Variants in TKT observed in about 807,000 individuals in gnomAD.
TKT encodes the protein transketolase.
TKT carries 47 observed loss-of-function variants against 63.9 expected under a neutral mutation model. The observed-to-expected ratio is 0.74, with a 90% CI of 0.58 to 0.94. The LOEUF (loss-of-function observed/expected upper bound fraction) is 0.94, where lower values mean the gene tolerates loss of function less well. Among genes scored for constraint, TKT ranks in the 40% least tolerant of loss-of-function variants. The pLI is 0.00. For missense variants in TKT, 721 were observed against 846.2 expected (o/e 0.85, Z 1.84); for synonymous variants, 338 against 334.1 (o/e 1.01, Z -0.13).
Position 53,229,417 on chromosome 3 carries a change from C to T in TKT, c.1127G>A (p.Cys376Tyr), listed in dbSNP as rs1223637232. 4 of 1,608,456 alleles carry T rather than the reference C, an allele frequency of 2.5e-6. No individual in the cohort carries two copies. The highest frequency in any genetic ancestry group is 1.1e-5 in the South Asian group (1 of 90,314). ...GGGCACCGTCCTGTTGCGGGTGGCA[C>T]AGCCCACCGCGATGCTCACCTGGGG... Reference protein sequence around the residue: ...EQNMVSIAVGCATRNRTVPFC... With the variant: ...EQNMVSIAVGYATRNRTVPFC... Residue 376 changes from cysteine (C) to tyrosine (Y), a missense_variant, in exon 9 of 14, where the codon TGT becomes TAT. By Grantham distance (194) the Cys-to-Tyr change is radical. Transcript: ENST00000462138.
chr3:53,225,728 G>T lies in TKT; in HGVS notation c.*28C>A. ...TTTCCCAGAATCTCAGGAATGTATAGACCCCCGCCCCACACTTCATACCCG... is the reference window on the plus strand; with the variant it reads ...TTTCCCAGAATCTCAGGAATGTATATACCCCCGCCCCACACTTCATACCCG... On this transcript the variant is annotated 3_prime_UTR_variant, in exon 14 of 14. Transcript: ENST00000462138. 9 of 1,574,482 alleles carry T rather than the reference G, an allele frequency of 5.7e-6. No individual in the cohort carries two copies. The highest frequency in any genetic ancestry group is 7.8e-6 in the Non-Finnish European group (9 of 1,155,056).
chr3:53,226,628 T>A, intron 13 of TKT, 128 bp downstream of exon 13: 1 of 1,383,864 alleles, frequency 7.2e-7, no homozygotes, highest in Non-Finnish European at 1.0e-6. Context: ...TCCCAGCTGC[T>A]CTGAGGGACA....
In TKT at chr3:53,241,249, C is replaced by A; in HGVS notation, c.226-4G>T. 2 of 1,597,194 alleles carry A rather than the reference C, an allele frequency of 1.3e-6. No individual in the cohort carries two copies. Among genetic ancestry groups the A allele is most frequent in the Non-Finnish European group, 1.7e-6 (2 of 1,174,334 alleles). On this transcript the variant is annotated splice_region_variant and splice_polypyrimidine_tract_variant and intron_variant, in intron 2 of 13. Coordinates refer to ENST00000462138, the MANE Select transcript of TKT (RefSeq NM_001064.4). ...AGAGGATGGGAGCTGCATGGCCCTG[C>A]CGGGAGATGGATGGTGGGGTGAGGT...
At chr3:53,252,402 T>G (rs1415472358) in intron 1 of TKT, among the ~76,000 whole-genome samples, 1 of 152,246 alleles carries the variant, frequency 6.6e-6, no homozygotes, top group Non-Finnish European at 1.5e-5. Context: ...GGCTCACAAC[T>G]TTCAAAATAT....
intron 4 of TKT, among the ~76,000 whole-genome samples, chr3:53,239,762 T>C (rs1027714151): frequency 3.5e-4 from 54 of 152,314 alleles, no homozygotes; most frequent in South Asian, 1.2e-3. Flanking sequence ...TCCCTGCTGA[T>C]AGGAGGTGGC....
rs371557559 is a variant in TKT at position 53,241,155 on chromosome 3, C to T, written c.316G>A (p.Asp106Asn). 35 of 1,576,810 alleles carry T rather than the reference C, an allele frequency of 2.2e-5. 1 individual carries two copies. The South Asian group carries it at 2.9e-4, about 13-fold the overall frequency. The change falls in exon 3 of 14, where the codon GAC becomes AAC. Residue 106 changes from aspartate (D) to asparagine (N), a missense_variant. Coordinates refer to ENST00000462138, the MANE Select transcript of TKT (RefSeq NM_001064.4). ...ELLNLRKISS[D>N]LDGHPVPKQA... ...ACCGGGACCGGGTGCCCGTCCAAGT[C>T]GGAGCTGATCTTCCTCAGGTTCAGC... is the stretch of plus-strand genomic sequence containing the variant.
rs1309363280 is a variant in TKT, at chr3:53,227,997, C to T, written c.1573+59G>A. 3 of 1,465,436 alleles carry T rather than the reference C, an allele frequency of 2.0e-6. No individual in the cohort carries two copies. The East Asian group carries it at 6.8e-5, about 33-fold the overall frequency. 90.8% of individuals were successfully genotyped at this position (1,465,436 alleles called of 1,614,324 possible). On this transcript the variant is annotated intron_variant, in intron 12 of 13. Transcript: ENST00000462138. The stretch of plus-strand genomic sequence containing the variant: ...AACAGAAAGAACGAAAGAAAGAACC[C>T]CAAGACCTAGCATGCAGTGGCCGCT...
chr3:53,229,248 G>A (rs1242119650), intron 9 of TKT, 32 bp downstream of exon 9: 4 of 1,613,376 alleles, frequency 2.5e-6, no homozygotes, highest in Non-Finnish European at 3.4e-6. Context: ...AGTCAAGGGA[G>A]CTCCAGGTGT....
At chr3:53,249,957 G>C (rs1295423534) in intron 1 of TKT, among the ~76,000 whole-genome samples, 1 of 152,244 alleles carries the variant, frequency 6.6e-6, no homozygotes, top group Non-Finnish European at 1.5e-5. Flanking sequence ...TGAATGTTGA[G>C]GGGTCAGAGC....
In TKT at chr3:53,230,718, C is replaced by T. The variant is rs890046202; in HGVS notation, c.943-97G>A. On this transcript the variant is annotated intron_variant, in intron 7 of 13. Coordinates refer to ENST00000462138, the MANE Select transcript of TKT (RefSeq NM_001064.4). ...CTTTCAGAGAAGGATTAAAACGGGG[C>T]CAAAAATGGAAGCCCTGGAGCACAA... The T allele has an allele frequency of 1.2e-4, 170 of 1,441,878 alleles. 4 individuals are homozygous for T. The highest frequency in any genetic ancestry group is 9.4e-4 in the South Asian group (73 of 77,868). The allele number at this position is 1,441,878 out of a possible 1,614,324, so 89.3% of individuals were successfully genotyped here.
At chr3:53,242,831 CCA>C (rs1407500301) in intron 1 of TKT, among the ~76,000 whole-genome samples, 1 of 152,168 alleles carries the variant, frequency 6.6e-6, no homozygotes, top group Non-Finnish European at 1.5e-5. Flanking sequence ...CATGGAGTTA[CCA>C]CAGACCTCCC....
In TKT at chr3:53,225,911, A is replaced by T. The variant is rs781959083; in HGVS notation, c.1717T>A (p.Ser573Thr). The T allele has an allele frequency of 3.7e-6, 6 of 1,611,604 alleles. No individual in the cohort carries two copies. Among genetic ancestry groups the T allele is most frequent in the Admixed American group, 1.7e-5 (1 of 59,806 alleles). Residue 573 changes from serine (S) to threonine (T), a missense_variant, in exon 14 of 14, where the codon TCC becomes ACC. Physicochemically the swap from Ser to Thr is moderately conservative, Grantham distance 58 (BLOSUM62 1). Coordinates refer to ENST00000462138, the MANE Select transcript of TKT (RefSeq NM_001064.4). The part of the protein sequence containing the change: ...YYEGGIGEAV[S>T]SAVVGEPGIT... ...CCAGGCTCGCCCACTACTGCACTGGACACAGCCTCACCAATGCCACCTAGA... is the reference window on the plus strand; with the variant it reads ...CCAGGCTCGCCCACTACTGCACTGGTCACAGCCTCACCAATGCCACCTAGA...
chr3:53,236,944 G>C, intron 4 of TKT, among the ~76,000 whole-genome samples: 1 of 152,230 alleles, frequency 6.6e-6, no homozygotes, highest in Non-Finnish European at 1.5e-5. Flanking sequence ...ATCCATTCAT[G>C]AACTAATTTG....
At chr3:53,246,226 C>A (rs1251358279) in intron 1 of TKT, among the ~76,000 whole-genome samples, 1 of 152,058 alleles carries the variant, frequency 6.6e-6, no homozygotes, top group Non-Finnish European at 1.5e-5. Context: ...CAAGATCGTG[C>A]CATTGTACTC....
At chr3:53,227,099 G>A (rs533787836) in intron 12 of TKT, 49 of 548,526 alleles carry the variant, frequency 8.9e-5, no homozygotes, top group African/African-American at 8.1e-4. Flanking sequence ...TGTGTTGCCC[G>A]CAGTATCCAA....
At position 53,243,563 on chromosome 3, in the gene TKT, A is replaced by C. The variant is rs1370765105; in HGVS notation, c.108-1321T>G. 10 of 456,670 alleles carry C rather than the reference A, an allele frequency of 2.2e-5. No homozygotes were observed. In the Admixed American group the frequency reaches 2.3e-4, roughly 11 times the overall value. 28.3% of individuals were successfully genotyped at this position (456,670 alleles called of 1,614,324 possible). On this transcript the variant is annotated intron_variant, in intron 1 of 13. Transcript: ENST00000462138. ...TGGTTTAGTACCAACATTCTCGCACACGATCATCTTATACTTAACTATTTC... is the reference window on the plus strand; with the variant it reads ...TGGTTTAGTACCAACATTCTCGCACCCGATCATCTTATACTTAACTATTTC...
At chr3:53,233,033 C>A (rs546238898) in intron 6 of TKT, 123 bp downstream of exon 6, 10 of 820,374 alleles carry the variant, frequency 1.2e-5, no homozygotes, top group Non-Finnish European at 1.8e-5. Context: ...GCTCCCCTTC[C>A]CTGGAGCCTG....
At chr3:53,232,592 G>A (rs531467877) in intron 6 of TKT, 4 of 398,640 alleles carry the variant, frequency 1.0e-5, no homozygotes, top group Admixed American at 4.4e-5. Flanking sequence ...CTAGGAATCT[G>A]AAGCCCACAC....
chr3:53,240,995 T>A, intron 3 of TKT, 137 bp downstream of exon 3: 1 of 710,754 alleles, frequency 1.4e-6, no homozygotes, highest in Non-Finnish European at 2.2e-6. Flanking sequence ...CCTGCTTCTT[T>A]CCTTCCTCAA....
Sources: gnomAD v4.1 joint callset for allele counts (sites outside exome capture counted in the v4.1 genomes callset) on GRCh38, gnomAD v4.1.1 for gene constraint, MANE v1.5 for transcripts, NCBI Gene and HGNC (gene_info 2026-07-23, HGNC 2026-07-21) for gene names.